CHRNA3: variants seen among roughly 807,000 people sequenced by gnomAD.
The protein encoded by CHRNA3 is neuronal acetylcholine receptor subunit alpha-3.
In CHRNA3, 34 loss-of-function variants were observed where a neutral mutation model predicts 41.9. The ratio of observed to expected loss-of-function variants is 0.81; its 90% confidence interval spans 0.62 to 1.08. The LOEUF (loss-of-function observed/expected upper bound fraction) is 1.08. Among genes scored for constraint, CHRNA3 ranks in the 50% least tolerant of loss-of-function variants. CHRNA3 has a pLI of 0.00. For missense variants in CHRNA3, 542 were observed against 638.3 expected (o/e 0.85, Z 1.63); for synonymous variants, 281 against 265.2 (o/e 1.06, Z -0.58).
At chr15:78,610,824 G>A (rs571874755) in intron 4 of CHRNA3, among the ~76,000 whole-genome samples, 1 of 152,200 alleles carries the variant, frequency 6.6e-6, no homozygotes, top group Non-Finnish European at 1.5e-5. Context: ...TTGATAGACT[G>A]CTAGCAAGAC....
At chr15:78,617,246 A>G (rs1338468670) in intron 3 of CHRNA3, 113 bp from the exon 4 acceptor site, 5 of 671,220 alleles carry the variant, frequency 7.4e-6, no homozygotes, top group Non-Finnish European at 1.3e-5. Context: ...ATGTGACCGA[A>G]CCACATCCAT....
In CHRNA3 at chr15:78,620,749, G is replaced by A. The variant is rs1175465346; in HGVS notation, c.46C>T (p.Arg16Trp). 1.3e-6 allele frequency: 2 copies of A among 1,498,826 alleles called. No individual in the cohort carries two copies. The highest frequency in any genetic ancestry group is 1.8e-6 in the Non-Finnish European group (2 of 1,130,890). 92.8% of individuals were successfully genotyped at this position (1,498,826 alleles called of 1,614,324 possible). A position where few individuals can be genotyped will look rare whatever the true frequency, so the allele number is the denominator to read the frequency against. Residue 16 changes from arginine to tryptophan, a missense_variant, in exon 1 of 6, where the codon CGG (arginine) becomes TGG (tryptophan). Physicochemically the swap from Arg to Trp is moderately radical, Grantham distance 101. Transcript: ENST00000326828. ...GACAGCAGCAGCAGCAGCAGCAGCC[G>A]CGGCGGCGACAGCGCCAGGGGCAGC... ...LSLPLALSPP[R>W]LLLLLLLSLL... is the part of the protein sequence containing the mutation.
chr15:78,618,820 C>A lies in CHRNA3; in HGVS notation c.178G>T (p.Val60Phe). The A allele has an allele frequency of 6.2e-7, 1 of 1,614,014 alleles. No homozygotes were observed. Reference protein sequence around the residue: ...IRPVANVSDPVIIHFEVSMSQ... With the variant: ...IRPVANVSDPFIIHFEVSMSQ... ...ATGGACACCTCGAAATGGATGATGA[C>A]TGGGTCAGACACGTTGGCTACAGGC... is the stretch of plus-strand genomic sequence containing the variant. The change falls in exon 2 of 6, where the codon GTC (valine) becomes TTC (phenylalanine). Residue 60 changes from valine (V) to phenylalanine (F), a missense_variant. Transcript: ENST00000326828.
chr15:78,596,337 C>T lies in CHRNA3; in HGVS notation c.*267G>A. ...AGGAAACATTTTTACATGTATATTC[C>T]ATAGCATAGCATACTAATCACATAG... On this transcript the variant is annotated 3_prime_UTR_variant, in exon 6 of 6. Coordinates refer to ENST00000326828, the MANE Select transcript of CHRNA3 (RefSeq NM_000743.5). 1 of 1,075,132 alleles carries T rather than the reference C, an allele frequency of 9.3e-7. No individual in the cohort carries two copies. Among genetic ancestry groups the T allele is most frequent in the East Asian group, 6.4e-5 (1 of 15,620 alleles). The allele number at this position is 1,075,132 out of a possible 1,614,324, so 66.6% of individuals were successfully genotyped here.
Position 78,602,115 on chromosome 15 carries a change from T to C in CHRNA3, c.527A>G (p.Lys176Arg). 1 of 1,614,166 alleles carries C rather than the reference T, an allele frequency of 6.2e-7. No individual in the cohort carries two copies. The highest frequency in any genetic ancestry group is 1.1e-5 in the South Asian group (1 of 91,080). ...CTTATCGTAGGACCAGGAACCGAACTTCATGGTACAGTTTTGGTAATCAAA... is the reference window on the plus strand; with the variant it reads ...CTTATCGTAGGACCAGGAACCGAACCTCATGGTACAGTTTTGGTAATCAAA... ...FPFDYQNCTM[K>R]FGSWSYDKAK... The change falls in exon 5 of 6, where the codon AAG becomes AGG. Residue 176 changes from lysine to arginine, a missense_variant. Coordinates refer to ENST00000326828, the MANE Select transcript of CHRNA3 (RefSeq NM_000743.5).
intron 4 of CHRNA3, among the ~76,000 whole-genome samples, chr15:78,604,268 C>G (rs2053249813): frequency 6.6e-6 from 1 of 152,224 alleles, no homozygotes; most frequent in African/African-American, 2.4e-5. Flanking sequence ...TATTTATTCT[C>G]TGGCCCTTTA....
intron 4 of CHRNA3, among the ~76,000 whole-genome samples, chr15:78,613,617 GC>G (rs1402707196): frequency 1.1e-4 from 17 of 151,098 alleles, no homozygotes; most frequent in South Asian, 2.1e-4. Context: ...TATACCTAAT[GC>G]TAAATGACGA....
chr15:78,612,117 A>G (rs1269436401), intron 4 of CHRNA3, among the ~76,000 whole-genome samples: 3 of 152,140 alleles, frequency 2.0e-5, no homozygotes, highest in African/African-American at 7.2e-5. Flanking sequence ...GGAAGAATCA[A>G]TATCGTGAAA....
At chr15:78,619,215 C>T (rs937444087) in intron 1 of CHRNA3, 9 of 456,354 alleles carry the variant, frequency 2.0e-5, no homozygotes, top group African/African-American at 1.8e-4. Flanking sequence ...GCTGTGTGAG[C>T]TTAGGCAAGT....
intron 4 of CHRNA3, among the ~76,000 whole-genome samples, chr15:78,613,759 AACAAAC>A (rs2053419151): frequency 1.2e-5 from 1 of 81,444 alleles, no homozygotes. Context: ...AGCAGTGGCA[AACAAAC>A]AAAAAAAAAA....
intron 5 of CHRNA3, chr15:78,600,046 C>G (rs1240785418): frequency 6.7e-6 from 1 of 149,202 alleles, no homozygotes; most frequent in Non-Finnish European, 1.5e-5. Context: ...TAAAACTAAT[C>G]AATTATCAAA....
chr15:78,599,622 G>A (rs2053165029), intron 5 of CHRNA3, among the ~76,000 whole-genome samples: 1 of 150,620 alleles, frequency 6.6e-6, no homozygotes, highest in African/African-American at 2.4e-5. Flanking sequence ...ATTGACTGGT[G>A]GAGCCTGAGG....
At position 78,603,420 on chromosome 15, in the gene CHRNA3, G is replaced by A. The variant is rs117356781; in HGVS notation, c.378-1156C>T. Among the ~76,000 whole-genome samples, 348 of 152,372 alleles carry A rather than the reference G, an allele frequency of 2.3e-3. 8 individuals carry two copies. The East Asian group carries it at 0.056, about 25-fold the overall frequency. On this transcript the variant is annotated intron_variant, in intron 4 of 5. Transcript: ENST00000326828. ...TTGGGCATTCCATCCGCGATGGCCA[G>A]ATGAGGCCATCTGAGAGCAAGGCCA...
intron 4 of CHRNA3, among the ~76,000 whole-genome samples, chr15:78,612,929 CA>C (rs1473696317): frequency 1.3e-5 from 2 of 151,852 alleles, no homozygotes; most frequent in Non-Finnish European, 2.9e-5. Context: ...AGACACTTCT[CA>C]AAAGAAGACA....
At chr15:78,615,565 G>A (rs1236061762) in intron 4 of CHRNA3, among the ~76,000 whole-genome samples, 1 of 152,168 alleles carries the variant, frequency 6.6e-6, no homozygotes, top group African/African-American at 2.4e-5. Flanking sequence ...CAGCCCCCAG[G>A]ACAGCTTTGT....
rs200364229 is a variant in CHRNA3, at chr15:78,596,627, G to T, written c.1495C>A (p.Leu499Met). 105 of 1,608,090 alleles carry T rather than the reference G, an allele frequency of 6.5e-5. No homozygotes were observed. In the East Asian group the frequency reaches 2.0e-3, roughly 31 times the overall value. Reference protein sequence around the residue: ...LGTAGLFLQPLMAREDA With the variant: ...LGTAGLFLQPMMAREDA Reference sequence around the variant, plus strand: ...GCTTATGCATCTTCCCTGGCCATCAGGGGTTGCAGAAACAATCCTGCTGTC... The same window carrying T: ...GCTTATGCATCTTCCCTGGCCATCATGGGTTGCAGAAACAATCCTGCTGTC... The change falls in exon 6 of 6, where the codon CTG (leucine) becomes ATG (methionine). Residue 499 changes from leucine (L) to methionine (M), a missense_variant. Coordinates refer to ENST00000326828, the MANE Select transcript of CHRNA3 (RefSeq NM_000743.5).
At chr15:78,611,112 A>G (rs2053373346) in intron 4 of CHRNA3, among the ~76,000 whole-genome samples, 1 of 152,204 alleles carries the variant, frequency 6.6e-6, no homozygotes, top group African/African-American at 2.4e-5. Context: ...CCAGGACCAG[A>G]TGGATTCACA....
intron 4 of CHRNA3, among the ~76,000 whole-genome samples, chr15:78,615,031 A>T (rs577582081): frequency 1.3e-5 from 2 of 152,244 alleles, no homozygotes; most frequent in East Asian, 3.9e-4. Context: ...GAAGTGGCCC[A>T]CTGTGAAGGA....
intron 4 of CHRNA3, among the ~76,000 whole-genome samples, chr15:78,609,386 G>T (rs1211379858): frequency 6.6e-6 from 1 of 152,216 alleles, no homozygotes; most frequent in African/African-American, 2.4e-5. Context: ...TCTCTCGGCA[G>T]ATACTCTACA....
Sources: allele counts gnomAD v4.1 joint callset (sites outside exome capture counted in the v4.1 genomes callset), GRCh38; gene constraint gnomAD v4.1.1; transcripts MANE v1.5; gene names NCBI Gene and HGNC (gene_info 2026-07-23, HGNC 2026-07-21).